ABCG8: variants seen among roughly 807,000 people sequenced by gnomAD.
ABCG8 encodes the protein ATP-binding cassette sub-family G member 8.
A neutral mutation model predicts 71.3 loss-of-function variants in ABCG8; 81 were observed. The ratio of observed to expected loss-of-function variants is 1.14; its 90% CI spans 0.95 to 1.37. The LOEUF (loss-of-function observed/expected upper bound fraction) is 1.37, where lower values mean the gene tolerates loss of function less well. ABCG8 is among the 40% of genes most tolerant of loss of function. The pLI, the probability that ABCG8 is intolerant of heterozygous loss-of-function variation, is 0.00. For missense variants in ABCG8, 1,119 were observed against 866.2 expected (o/e 1.29, Z -3.66); for synonymous variants, 451 against 354.7 (o/e 1.27, Z -3.05).
intron 3 of ABCG8, among the ~76,000 whole-genome samples, chr2:43,848,876 G>T (rs975324918): frequency 6.6e-6 from 1 of 151,980 alleles, no homozygotes; most frequent in African/African-American, 2.4e-5. Flanking sequence ...CAAAAAATTA[G>T]CTGGGCGTGG....
Position 43,860,288 on chromosome 2 carries a change from C to G in ABCG8, c.964+7420C>G, listed in dbSNP as rs889402170. Among the ~76,000 whole-genome samples the G allele has an allele frequency of 4.6e-5, 7 of 150,670 alleles. No individual in the cohort carries two copies. In the South Asian group the frequency reaches 8.4e-4, roughly 18 times the overall value. ...ACTATCTGGATAGAATTCTTACACT[C>G]TGGATAGAACTCTCACTATCTTCCT... On this transcript the variant is annotated intron_variant, in intron 6 of 12. Transcript: ENST00000272286.
Position 43,852,601 on chromosome 2 carries a change from A to G in ABCG8, c.697A>G (p.Ile233Val), listed in dbSNP as rs561767635. The G allele has an allele frequency of 3.7e-6, 6 of 1,614,082 alleles. No individual in the cohort carries two copies. The African/African-American group carries it at 5.3e-5, about 14-fold the overall frequency. ...AGGCTCCTCTCTGTGTTGGAAAGGA[A>G]TCCTTATTCTCGACGAACCCACCTC... ...IGVQLLWNPG[I>V]LILDEPTSGL... The change falls in exon 6 of 13, where the codon ATC (isoleucine) becomes GTC (valine). Residue 233 changes from isoleucine (I) to valine (V), a missense_variant and splice_region_variant. Ile to Val is a conservative substitution (Grantham distance 29). Coordinates refer to ENST00000272286, the MANE Select transcript of ABCG8 (RefSeq NM_022437.3).
At chr2:43,864,265 T>G in intron 6 of ABCG8, among the ~76,000 whole-genome samples, 1 of 151,668 alleles carries the variant, frequency 6.6e-6, no homozygotes, top group East Asian at 1.9e-4. Context: ...TGGGTAGAAC[T>G]CTCACTATCT....
intron 6 of ABCG8, among the ~76,000 whole-genome samples, chr2:43,862,805 G>C (rs1669374085): frequency 2.0e-5 from 3 of 147,174 alleles, no homozygotes; most frequent in South Asian, 4.4e-4. Context: ...GTAGAATTCT[G>C]ATAATCTGGT....
At position 43,876,407 on chromosome 2, in the gene ABCG8, G is replaced by C. The variant is rs940613076; in HGVS notation, c.1756+994G>C. Among the ~76,000 whole-genome samples the C allele has an allele frequency of 1.2e-3, 190 of 152,272 alleles. 1 individual carries two copies. Among genetic ancestry groups the C allele is most frequent in the African/African-American group, 4.2e-3 (176 of 41,538 alleles). ...AAGAGAGACTGTGTGACTGTGGGGA[G>C]ACCATGGGAATATGGGGAGACTGAA... On this transcript the variant is annotated intron_variant, in intron 11 of 12. Coordinates refer to ENST00000272286, the MANE Select transcript of ABCG8 (RefSeq NM_022437.3).
chr2:43,869,926 T>G (rs958961783), intron 6 of ABCG8, among the ~76,000 whole-genome samples: 1 of 152,052 alleles, frequency 6.6e-6, no homozygotes, highest in Non-Finnish European at 1.5e-5. Flanking sequence ...ATTTTCACCA[T>G]CTGGATGGAA....
chr2:43,858,078 A>T (rs551769475), intron 6 of ABCG8, among the ~76,000 whole-genome samples: 14 of 151,810 alleles, frequency 9.2e-5, no homozygotes, highest in African/African-American at 3.4e-4. Context: ...ATCTGGAGAG[A>T]ATTCTCACTC....
At position 43,881,608 on chromosome 2, in the gene ABCG8, T is replaced by G. The variant is rs563439654; in HGVS notation, c.*3695T>G. 1.3e-5 allele frequency: 2 copies of G among 150,752 alleles called. No homozygotes were observed. The highest frequency in any genetic ancestry group is 4.2e-4 in the South Asian group (2 of 4,748). The allele number at this position is 150,752 out of a possible 1,614,324, so 9.3% of individuals were successfully genotyped here. A position where few individuals can be genotyped will look rare whatever the true frequency, so the allele number is the denominator to read the frequency against. Reference sequence around the variant, plus strand: ...CCTGTAGTTCCAGCTACTTGGGAGGTTGAGGCAGGAGAATCGCTTGAATCC... The same window carrying G: ...CCTGTAGTTCCAGCTACTTGGGAGGGTGAGGCAGGAGAATCGCTTGAATCC... On this transcript the variant is annotated 3_prime_UTR_variant, in exon 13 of 13. Coordinates refer to ENST00000272286, the MANE Select transcript of ABCG8 (RefSeq NM_022437.3).
At chr2:43,854,602 G>A (rs1380863015) in intron 6 of ABCG8, among the ~76,000 whole-genome samples, 1 of 148,286 alleles carries the variant, frequency 6.7e-6, no homozygotes, top group East Asian at 1.9e-4. Context: ...ACCCCAGTCT[G>A]GGCGATAGAG....
chr2:43,875,141 T>C lies in ABCG8; in HGVS notation c.1489-5T>C, dbSNP rs768789130. 2.7e-5 allele frequency: 43 copies of C among 1,614,112 alleles called. 1 individual carries two copies. The highest frequency in any genetic ancestry group is 1.6e-4 in the Middle Eastern group (1 of 6,080). On this transcript the variant is annotated splice_region_variant and splice_polypyrimidine_tract_variant and intron_variant, in intron 10 of 12. Transcript: ENST00000272286. ...TCATATCCTTGCAAGGGCTGTTCTT[T>C]GCAGATCCTCGGGGAGCTTCCGGAG...
intron 6 of ABCG8, among the ~76,000 whole-genome samples, chr2:43,860,651 C>G (rs562325791): frequency 6.6e-6 from 1 of 151,328 alleles, no homozygotes; most frequent in African/African-American, 2.4e-5. Context: ...CTCTCGCTAT[C>G]TGGATAGAAT....
rs3806471 is a variant in ABCG8, at chr2:43,839,035, T to G, written c.-19T>G. Reference sequence around the variant, plus strand: ...GGTCTAAGAGAGCTGCAGCCCAGGGTCACAGACCTGTGGGCCCCATGGCCG... The same window carrying G: ...GGTCTAAGAGAGCTGCAGCCCAGGGGCACAGACCTGTGGGCCCCATGGCCG... On this transcript the variant is annotated 5_prime_UTR_variant, in exon 1 of 13. Transcript: ENST00000272286. 0.35 allele frequency: 546,934 copies of G among 1,549,390 alleles called. 104,532 individuals carry two copies. Among genetic ancestry groups the G allele is most frequent in the East Asian group, 0.85 (34,796 of 40,880 alleles).
chr2:43,877,961 C>A lies in ABCG8; in HGVS notation c.*48C>A, dbSNP rs758582644. ...TGGTGGGGGACCTGAGCAGACCCTT[C>A]AACTGCACTCCCTCCTCAGGAGCCC... is the stretch of plus-strand genomic sequence containing the variant. On this transcript the variant is annotated 3_prime_UTR_variant, in exon 13 of 13. Transcript: ENST00000272286. 6.2e-7 allele frequency: 1 copy of A among 1,613,458 alleles called. No homozygotes were observed. Among genetic ancestry groups the A allele is most frequent in the South Asian group, 1.1e-5 (1 of 90,912 alleles).
chr2:43,879,064 T>C lies in ABCG8; in HGVS notation c.*1151T>C, dbSNP rs1225660350. 1 of 152,264 alleles carries C rather than the reference T, an allele frequency of 6.6e-6. No homozygotes were observed. The highest frequency in any genetic ancestry group is 1.5e-5 in the Non-Finnish European group (1 of 68,084). 9.4% of individuals were successfully genotyped at this position (152,264 alleles called of 1,614,324 possible). ...GAGTCAGTTAAACCTCTTTTCTTTATAAATTACCCAGTCTTGGGTATTTCT... is the reference window on the plus strand; with the variant it reads ...GAGTCAGTTAAACCTCTTTTCTTTACAAATTACCCAGTCTTGGGTATTTCT... On this transcript the variant is annotated 3_prime_UTR_variant, in exon 13 of 13. Coordinates refer to ENST00000272286, the MANE Select transcript of ABCG8 (RefSeq NM_022437.3).
chr2:43,851,073 G>A (rs1668899152), intron 3 of ABCG8, among the ~76,000 whole-genome samples: 1 of 152,086 alleles, frequency 6.6e-6, no homozygotes, highest in African/African-American at 2.4e-5. Flanking sequence ...AAATAGATTT[G>A]GTTTTGCATG....
At chr2:43,870,713 C>G (rs1296927964) in intron 6 of ABCG8, among the ~76,000 whole-genome samples, 2 of 152,110 alleles carry the variant, frequency 1.3e-5, no homozygotes, top group African/African-American at 2.4e-5. Flanking sequence ...CGAACTCTCA[C>G]TATCTGTCTG....
intron 1 of ABCG8, among the ~76,000 whole-genome samples, chr2:43,842,275 A>C (rs1385882846): frequency 6.6e-6 from 1 of 152,214 alleles, no homozygotes; most frequent in Non-Finnish European, 1.5e-5. Flanking sequence ...AGCTTCCCAA[A>C]GTGCTGGGAT....
At chr2:43,863,915 C>T (rs990988626) in intron 6 of ABCG8, among the ~76,000 whole-genome samples, 4 of 149,648 alleles carry the variant, frequency 2.7e-5, no homozygotes, top group East Asian at 2.0e-4. Context: ...GAATTTTCAC[C>T]GTCCGGAAAC....
intron 3 of ABCG8, chr2:43,846,699 G>A (rs1572826666): frequency 2.5e-5 from 8 of 316,698 alleles, no homozygotes; most frequent in South Asian, 2.3e-4. Flanking sequence ...ATTATGGCCA[G>A]ACAGCCCCTG....
Sources: gnomAD v4.1 joint callset for allele counts (sites outside exome capture counted in the v4.1 genomes callset) on GRCh38, gnomAD v4.1.1 for gene constraint, MANE v1.5 for transcripts, NCBI Gene and HGNC (gene_info 2026-07-23, HGNC 2026-07-21) for gene names.